Variants in KIAA0586 observed in about 807,000 individuals in gnomAD.
KIAA0586 encodes protein TALPID3.
Under a neutral mutation model 169.8 loss-of-function variants are expected in KIAA0586, and 144 were observed. The observed-to-expected ratio is 0.85, with a 90% CI of 0.74 to 0.97. KIAA0586 has a LOEUF of 0.97. Among genes scored for constraint, KIAA0586 ranks in the 50% least tolerant of loss-of-function variants. The pLI, the probability that KIAA0586 is intolerant of heterozygous loss-of-function variation, is 0.00. For synonymous variants in KIAA0586, 625 were observed against 612.4 expected (o/e 1.02, Z -0.30); for missense variants, 1,854 against 1,823.0 (o/e 1.02, Z -0.31).
intron 29 of KIAA0586, among the ~76,000 whole-genome samples, chr14:58,533,333 AGAAAT>A (rs1176372978): frequency 6.6e-6 from 1 of 152,234 alleles, no homozygotes. Flanking sequence ...GTGTCACAAA[AGAAAT>A]GAAATATTTA....
intron 29 of KIAA0586, among the ~76,000 whole-genome samples, chr14:58,516,224 A>T (rs1334661749): frequency 6.6e-6 from 1 of 152,204 alleles, no homozygotes; most frequent in Non-Finnish European, 1.5e-5. Flanking sequence ...GGGGAAAGGC[A>T]GAGAGTCTCT....
At position 58,450,747 on chromosome 14, in the gene KIAA0586, GTAA is replaced by G; in HGVS notation, c.1129+4_1129+6del. The G allele has an allele frequency of 6.3e-7, 1 of 1,582,686 alleles. No homozygotes were observed. Among genetic ancestry groups the G allele is most frequent in the South Asian group, 1.1e-5 (1 of 89,508 alleles). On this transcript the variant is annotated splice_donor_variant and splice_donor_region_variant and intron_variant, in intron 8 of 30. Coordinates refer to ENST00000652326, the MANE Select transcript of KIAA0586 (RefSeq NM_001329943.3). LOFTEE classifies it high-confidence loss of function. The stretch of plus-strand genomic sequence containing the variant: ...AATATGGAAGTGTCGTGTCACAGAG[GTAA>G]TAGAGACTTTTACTAGACCTATCCC...
chr14:58,484,580 G>A (rs2042238456), intron 21 of KIAA0586, among the ~76,000 whole-genome samples: 1 of 151,472 alleles, frequency 6.6e-6, no homozygotes, highest in African/African-American at 2.4e-5. Context: ...AATACTAGAA[G>A]AATACCTTCA....
In KIAA0586 at chr14:58,508,459, G is replaced by A. The variant is rs963507384; in HGVS notation, c.4169-96G>A. The A allele has an allele frequency of 7.5e-6, 7 of 927,968 alleles. No individual in the cohort carries two copies. The Admixed American group carries it at 1.5e-4, about 20-fold the overall frequency. The allele number at this position is 927,968 out of a possible 1,614,324, so 57.5% of individuals were successfully genotyped here. On this transcript the variant is annotated intron_variant, in intron 27 of 30. Coordinates refer to ENST00000652326, the MANE Select transcript of KIAA0586 (RefSeq NM_001329943.3). ...TACACTGCTAGTTCTAATTCAGCAGGTGAGAAATATTGGTGGTTTTAGTCA... is the reference window on the plus strand; with the variant it reads ...TACACTGCTAGTTCTAATTCAGCAGATGAGAAATATTGGTGGTTTTAGTCA...
chr14:58,434,581 A>G (rs2037653523), intron 4 of KIAA0586, among the ~76,000 whole-genome samples: 1 of 152,236 alleles, frequency 6.6e-6, no homozygotes, highest in Non-Finnish European at 1.5e-5. Flanking sequence ...TATTTTCATC[A>G]TGCTATTGTA....
At chr14:58,466,412 G>C (rs1397906351) in intron 15 of KIAA0586, among the ~76,000 whole-genome samples, 1 of 152,166 alleles carries the variant, frequency 6.6e-6, no homozygotes, top group African/African-American at 2.4e-5. Context: ...CTTTTGGTAT[G>C]TTATATTATT....
chr14:58,475,579 A>G (rs2041554595), intron 19 of KIAA0586, among the ~76,000 whole-genome samples: 1 of 152,196 alleles, frequency 6.6e-6, no homozygotes, highest in Non-Finnish European at 1.5e-5. Context: ...TACAATAACA[A>G]TTGTAACTTG....
intron 4 of KIAA0586, among the ~76,000 whole-genome samples, chr14:58,437,315 G>T (rs187291431): frequency 4.6e-5 from 7 of 152,318 alleles, no homozygotes; most frequent in Non-Finnish European, 4.4e-5. Context: ...ATTACTCATT[G>T]AGAAAGGAAA....
At position 58,532,685 on chromosome 14, in the gene KIAA0586, G is replaced by A. The variant is rs539488833; in HGVS notation, c.4430-7386G>A. 6.6e-5 allele frequency among the ~76,000 whole-genome samples: 10 copies of A among 152,068 alleles called. No individual in the cohort carries two copies. In the South Asian group the frequency reaches 2.1e-3, roughly 32 times the overall value. ...CTCATTATTTTCAGTGTCCCTGATG[G>A]GCTCCTTATCCTTGACCTAAAAATG... is the stretch of plus-strand genomic sequence containing the variant. On this transcript the variant is annotated intron_variant, in intron 29 of 30. Coordinates refer to ENST00000652326, the MANE Select transcript of KIAA0586 (RefSeq NM_001329943.3).
chr14:58,460,701 A>G (rs1318925099), intron 13 of KIAA0586, among the ~76,000 whole-genome samples: 1 of 152,176 alleles, frequency 6.6e-6, no homozygotes, highest in East Asian at 1.9e-4. Context: ...CTGGAGTATA[A>G]TAAATATGTA....
chr14:58,492,358 A>G (rs534402649), intron 26 of KIAA0586, 83 bp downstream of exon 26: 19 of 1,296,250 alleles, frequency 1.5e-5, no homozygotes, highest in Non-Finnish European at 2.0e-5. Context: ...TAGTTAAAGC[A>G]TGCTAGTATT....
At chr14:58,542,153 G>C (rs1054317516) in intron 30 of KIAA0586, among the ~76,000 whole-genome samples, 5 of 151,996 alleles carry the variant, frequency 3.3e-5, no homozygotes, top group African/African-American at 1.2e-4. Context: ...TTCTAAAACT[G>C]TGATTTAGCT....
chr14:58,478,749 C>G (rs182060713), intron 20 of KIAA0586, among the ~76,000 whole-genome samples: 33 of 152,334 alleles, frequency 2.2e-4, no homozygotes, highest in Admixed American at 3.9e-4. Flanking sequence ...AAACCTCACT[C>G]GTGCCCACTG....
intron 28 of KIAA0586, among the ~76,000 whole-genome samples, chr14:58,511,703 G>C (rs2044400098): frequency 6.6e-6 from 1 of 152,134 alleles, no homozygotes. Context: ...TATTACTGCA[G>C]CTTAGAGCTA....
downstream of KIAA0586, among the ~76,000 whole-genome samples, chr14:58,555,583 A>G (rs1441081346): frequency 6.6e-6 from 1 of 152,218 alleles, no homozygotes; most frequent in Non-Finnish European, 1.5e-5. Context: ...TTAGTTATAG[A>G]TGAGACATTA....
At position 58,457,841 on chromosome 14, in the gene KIAA0586, C is replaced by T. The variant is rs369211190; in HGVS notation, c.1445C>T (p.Ser482Phe). Residue 482 changes from serine to phenylalanine, a missense_variant, in exon 11 of 31, where the codon TCT (serine) becomes TTT (phenylalanine). Coordinates refer to ENST00000652326, the MANE Select transcript of KIAA0586 (RefSeq NM_001329943.3). ...VKLQTTNTTR[S>F]VLKDAEKILR... ...CTTCAAACAACCAATACAACAAGAT[C>T]TGTATTGAAAGATGCTGAGAAGATT... is the stretch of plus-strand genomic sequence containing the variant. 2.6e-5 allele frequency: 42 copies of T among 1,607,866 alleles called. No individual in the cohort carries two copies. Among genetic ancestry groups the T allele is most frequent in the Non-Finnish European group, 3.5e-5 (41 of 1,176,468 alleles).
chr14:58,559,321 G>A, the KIAA0586 span, among the ~76,000 whole-genome samples: 1 of 152,202 alleles, frequency 6.6e-6, no homozygotes, highest in Non-Finnish European at 1.5e-5. Flanking sequence ...CTGGATACTT[G>A]TTCTGACCTC....
chr14:58,427,962 G>A lies in KIAA0586; in HGVS notation c.-303G>A, dbSNP rs1432345304. ...ACATGTGTTTGGTTTTGCCCTACCA[G>A]CTCTGGGGTTGGGGAGTGCACTGTT... On this transcript the variant is annotated 5_prime_UTR_variant, in exon 1 of 31. Transcript: ENST00000652326. 3.6e-6 allele frequency: 5 copies of A among 1,407,750 alleles called. No individual in the cohort carries two copies. Among genetic ancestry groups the A allele is most frequent in the Non-Finnish European group, 3.7e-6 (4 of 1,081,842 alleles). The allele number at this position is 1,407,750 out of a possible 1,614,324, so 87.2% of individuals were successfully genotyped here. A position where few individuals can be genotyped will look rare whatever the true frequency, so the allele number is the denominator to read the frequency against.
downstream of KIAA0586, among the ~76,000 whole-genome samples, chr14:58,554,186 C>T (rs1288795570): frequency 1.3e-5 from 2 of 151,852 alleles, no homozygotes; most frequent in Admixed American, 1.3e-4. Flanking sequence ...TGTCATATTG[C>T]TAATGCCTTG....
Sources: allele counts gnomAD v4.1 joint callset (sites outside exome capture counted in the v4.1 genomes callset), GRCh38; gene constraint gnomAD v4.1.1; transcripts MANE v1.5; gene names NCBI Gene and HGNC (gene_info 2026-07-23, HGNC 2026-07-21).